TANGO6: variants seen among roughly 807,000 people sequenced by gnomAD.
TANGO6 encodes transport and Golgi organization protein 6 homolog.
In TANGO6, 90 loss-of-function variants were observed where a neutral mutation model predicts 114.2. That is an observed-to-expected ratio of 0.79 (90% CI 0.66 to 0.94). TANGO6 has a LOEUF of 0.94. Among genes scored for constraint, TANGO6 ranks in the 40% least tolerant of loss-of-function variants. TANGO6 has a pLI of 0.00. For missense variants in TANGO6, 1,274 were observed against 1,315.3 expected, an observed-to-expected ratio of 0.97 and a Z score of 0.49; for synonymous variants, 477 against 509.8, an observed-to-expected ratio of 0.94 and a Z score of 0.87.
At chr16:69,060,194 G>A (rs1369610902) in intron 17 of TANGO6, among the ~76,000 whole-genome samples, 3 of 151,944 alleles carry the variant, frequency 2.0e-5, no homozygotes, top group Non-Finnish European at 4.4e-5. Flanking sequence ...TTTAATTAAA[G>A]TGTAATAGAG....
intron 14 of TANGO6, among the ~76,000 whole-genome samples, chr16:68,955,370 A>G (rs1211718454): frequency 6.6e-6 from 1 of 152,240 alleles, no homozygotes; most frequent in South Asian, 2.1e-4. Context: ...TAGGAGCAGA[A>G]TTTCATCCGG....
chr16:68,976,722 G>T (rs1028260942), intron 15 of TANGO6, among the ~76,000 whole-genome samples: 1 of 152,142 alleles, frequency 6.6e-6, no homozygotes, highest in Non-Finnish European at 1.5e-5. Context: ...GCCAGCTAGC[G>T]GCCATATTGA....
At chr16:68,939,677 A>G (rs1171225342) in intron 14 of TANGO6, among the ~76,000 whole-genome samples, 1 of 152,100 alleles carries the variant, frequency 6.6e-6, no homozygotes, top group Admixed American at 6.6e-5. Flanking sequence ...ATACCATTCC[A>G]ATTTAACTGA....
chr16:68,900,382 T>G (rs1360286690), intron 7 of TANGO6, 52 bp from the exon 8 acceptor site: 1 of 1,476,990 alleles, frequency 6.8e-7, no homozygotes, highest in African/African-American at 1.4e-5. Flanking sequence ...TGATTCCCGT[T>G]GCTCTGGCCA....
intron 4 of TANGO6, among the ~76,000 whole-genome samples, chr16:68,872,255 C>T (rs1460883059): frequency 6.6e-6 from 1 of 151,130 alleles, no homozygotes; most frequent in Non-Finnish European, 1.5e-5. Flanking sequence ...ATGGTCTTGT[C>T]TTCTAATTCT....
chr16:68,958,753 G>A (rs1263355589), intron 14 of TANGO6, among the ~76,000 whole-genome samples: 1 of 151,900 alleles, frequency 6.6e-6, no homozygotes, highest in Non-Finnish European at 1.5e-5. Flanking sequence ...AGGCAGCATA[G>A]CAAGGTCCTG....
intron 15 of TANGO6, among the ~76,000 whole-genome samples, chr16:69,019,961 T>C (rs1959371666): frequency 6.6e-6 from 1 of 152,226 alleles, no homozygotes; most frequent in African/African-American, 2.4e-5. Flanking sequence ...AATTCAATAT[T>C]ACCATTTCCT....
chr16:68,872,797 A>C (rs2152165779), intron 4 of TANGO6, among the ~76,000 whole-genome samples: 1 of 151,980 alleles, frequency 6.6e-6, no homozygotes, highest in East Asian at 1.9e-4. Context: ...CCCATGTTCA[A>C]GAGATTCTCT....
chr16:68,851,699 G>T (rs551011829), intron 1 of TANGO6, among the ~76,000 whole-genome samples: 1 of 152,194 alleles, frequency 6.6e-6, no homozygotes, highest in East Asian at 1.9e-4. Context: ...TGGGATTGCT[G>T]GGCCAAAGGG....
intron 17 of TANGO6, among the ~76,000 whole-genome samples, chr16:69,051,587 G>A (rs558950619): frequency 6.6e-6 from 1 of 152,344 alleles, no homozygotes; most frequent in African/African-American, 2.4e-5. Context: ...GGAGGCTGAG[G>A]CAGGAGACTC....
At chr16:69,056,167 CTA>C (rs1358003996) in intron 17 of TANGO6, among the ~76,000 whole-genome samples, 14 of 152,174 alleles carry the variant, frequency 9.2e-5, no homozygotes, top group Admixed American at 7.2e-4. Context: ...TGTAGAAACT[CTA>C]ACATTTAAAA....
chr16:69,027,637 G>C lies in TANGO6; in HGVS notation c.2994+4658G>C, dbSNP rs577724802. Among the ~76,000 whole-genome samples the C allele has an allele frequency of 1.1e-4, 17 of 152,174 alleles. No homozygotes were observed. In the South Asian group the frequency reaches 3.1e-3, roughly 28 times the overall value. ...TATATTGTCTGAAGATTTCAGACTAGTGTAACTTTTCTGGGTCAGATACTG... is the reference window on the plus strand; with the variant it reads ...TATATTGTCTGAAGATTTCAGACTACTGTAACTTTTCTGGGTCAGATACTG... On this transcript the variant is annotated intron_variant, in intron 16 of 17. Transcript: ENST00000261778.
chr16:69,059,218 C>T (rs986959017), intron 17 of TANGO6, among the ~76,000 whole-genome samples: 5 of 151,428 alleles, frequency 3.3e-5, no homozygotes, highest in Non-Finnish European at 5.9e-5. Context: ...GGGAAGTGTA[C>T]GCCACCACGC....
intron 15 of TANGO6, among the ~76,000 whole-genome samples, chr16:69,015,153 A>G (rs2152225437): frequency 6.6e-6 from 1 of 152,302 alleles, no homozygotes; most frequent in Admixed American, 6.5e-5. Flanking sequence ...AGGCAAGGTC[A>G]TAAATCCCCA....
chr16:69,063,673 A>C (rs1960165510), intron 17 of TANGO6, among the ~76,000 whole-genome samples: 1 of 147,588 alleles, frequency 6.8e-6, no homozygotes, highest in Admixed American at 6.9e-5. Context: ...AAAAAAAACA[A>C]AGTTCTTTGG....
At chr16:69,033,506 T>C (rs920810638) in intron 16 of TANGO6, among the ~76,000 whole-genome samples, 2 of 152,134 alleles carry the variant, frequency 1.3e-5, no homozygotes, top group Non-Finnish European at 2.9e-5. Flanking sequence ...CACCAAGCTC[T>C]GGGGGACCCA....
chr16:68,877,711 C>T, intron 5 of TANGO6, among the ~76,000 whole-genome samples: 1 of 151,778 alleles, frequency 6.6e-6, no homozygotes, highest in Non-Finnish European at 1.5e-5. Context: ...AGGTTCACAC[C>T]ATTCTCCTGC....
chr16:68,882,809 T>G (rs943117318), intron 7 of TANGO6, among the ~76,000 whole-genome samples: 10 of 151,634 alleles, frequency 6.6e-5, no homozygotes, highest in Admixed American at 2.6e-4. Flanking sequence ...ATGAGGTCAG[T>G]AGATCAAGAC....
chr16:69,020,927 TGTGTGTGTGTGTGTG>T (rs1351536893), intron 15 of TANGO6, among the ~76,000 whole-genome samples: 38 of 150,006 alleles, frequency 2.5e-4, no homozygotes, highest in African/African-American at 9.0e-4. Flanking sequence ...TGTGTGTGTG[TGTGTGTGTGTGTGTG>T]GTGTGTGTGT....
Sources: gnomAD v4.1 joint callset for allele counts (sites outside exome capture counted in the v4.1 genomes callset) on GRCh38, gnomAD v4.1.1 for gene constraint, MANE v1.5 for transcripts, NCBI Gene and HGNC (gene_info 2026-07-23, HGNC 2026-07-21) for gene names.